The following CLIC5 variants were observed in gnomAD, a reference collection of about 807,000 sequenced individuals.
CLIC5 encodes the protein chloride intracellular channel protein 5.
In CLIC5, 20 loss-of-function variants were observed where a neutral mutation model predicts 24.7. That is an observed-to-expected ratio of 0.81 (90% CI 0.57 to 1.18). CLIC5 has a LOEUF of 1.18. Ranked by LOEUF, CLIC5 falls within the 50% of genes most tolerant of loss-of-function variation. The pLI, the probability that CLIC5 is intolerant of heterozygous loss-of-function variation, is 0.00. For synonymous variants in CLIC5, 159 were observed against 135.6 expected (o/e 1.17, Z -1.20); for missense variants, 341 against 326.1 (o/e 1.05, Z -0.35).
the CLIC5 span, among the ~76,000 whole-genome samples, chr6:46,118,996 T>C: frequency 6.6e-6 from 1 of 152,054 alleles, no homozygotes; most frequent in African/African-American, 2.4e-5. Context: ...GAGGGAGAGA[T>C]TAGAAGATGC....
At chr6:46,121,265 G>A in the CLIC5 span, among the ~76,000 whole-genome samples, 1 of 152,196 alleles carries the variant, frequency 6.6e-6, no homozygotes, top group Non-Finnish European at 1.5e-5. Context: ...GAAGAGAGTG[G>A]GGGCCAATAT....
rs1464481572 is a variant in CLIC5, at chr6:45,901,939, C to T, written c.*1149G>A. ...TCCTAAATGTGGCTTTTACCCATTA[C>T]AGGCTACAGTTGAATCAGGCAGGAG... On this transcript the variant is annotated 3_prime_UTR_variant, in exon 6 of 6. Transcript: ENST00000339561. 6.6e-6 allele frequency: 1 copy of T among 152,532 alleles called. No individual in the cohort carries two copies. The highest frequency in any genetic ancestry group is 1.5e-5 in the Non-Finnish European group (1 of 68,026). 9.4% of individuals were successfully genotyped at this position (152,532 alleles called of 1,614,324 possible).
chr6:46,051,527 CT>C (rs917152035), intron 1 of CLIC5, among the ~76,000 whole-genome samples: 1 of 151,928 alleles, frequency 6.6e-6, no homozygotes, highest in Non-Finnish European at 1.5e-5. Context: ...GGTTTCTCTC[CT>C]TTTTTTTCTG....
At chr6:45,958,395 G>T in intron 1 of CLIC5, among the ~76,000 whole-genome samples, 1 of 96,220 alleles carries the variant, frequency 1.0e-5, no homozygotes, top group Non-Finnish European at 2.1e-5. Flanking sequence ...GGAAACTGAT[G>T]CAATCAGGGA....
In CLIC5 at chr6:46,015,689, C is replaced by T; in HGVS notation, c.-147G>A. The T allele has an allele frequency of 7.8e-7, 1 of 1,288,806 alleles. No individual in the cohort carries two copies. Among genetic ancestry groups the T allele is most frequent in the Non-Finnish European group, 9.9e-7 (1 of 1,013,524 alleles). 79.8% of individuals were successfully genotyped at this position (1,288,806 alleles called of 1,614,324 possible). ...TTTCACAAAACCATCTATTCTCCAG[C>T]CCGAGCAGCGGGGTCTGAGAGATCA... On this transcript the variant is annotated 5_prime_UTR_variant, in exon 1 of 6. Coordinates refer to ENST00000339561, the MANE Select transcript of CLIC5 (RefSeq NM_016929.5).
chr6:46,090,952 A>G, the CLIC5 span, among the ~76,000 whole-genome samples: 47 of 152,290 alleles, frequency 3.1e-4, no homozygotes, highest in South Asian at 8.9e-3. Context: ...AAGGCAAACA[A>G]CAAGCTGTTA....
chr6:45,937,045 A>C (rs1763962434), intron 4 of CLIC5, among the ~76,000 whole-genome samples: 1 of 151,804 alleles, frequency 6.6e-6, no homozygotes, highest in Non-Finnish European at 1.5e-5. Context: ...GGAGCACAGA[A>C]TCGTCCCTCA....
At chr6:46,119,337 T>C in the CLIC5 span, among the ~76,000 whole-genome samples, 1 of 152,216 alleles carries the variant, frequency 6.6e-6, no homozygotes, top group Non-Finnish European at 1.5e-5. Flanking sequence ...TGGGACTCTT[T>C]TATAGCAATT....
At chr6:46,100,158 C>T in the CLIC5 span, among the ~76,000 whole-genome samples, 3 of 152,188 alleles carry the variant, frequency 2.0e-5, no homozygotes, top group Non-Finnish European at 2.9e-5. Context: ...CCCAGTTTGG[C>T]TCCAGCCATT....
chr6:46,006,663 T>C (rs1766594618), intron 1 of CLIC5, among the ~76,000 whole-genome samples: 1 of 150,940 alleles, frequency 6.6e-6, no homozygotes, highest in Non-Finnish European at 1.5e-5. Flanking sequence ...CCCTCTCAAA[T>C]GATATTTCTT....
chr6:46,095,174 T>G, the CLIC5 span, among the ~76,000 whole-genome samples: 2 of 151,196 alleles, frequency 1.3e-5, no homozygotes, highest in African/African-American at 4.9e-5. Flanking sequence ...CAGGAAACCA[T>G]TCTTCCCTCC....
chr6:45,989,607 G>A (rs1325787221), intron 1 of CLIC5, among the ~76,000 whole-genome samples: 1 of 152,200 alleles, frequency 6.6e-6, no homozygotes, highest in Non-Finnish European at 1.5e-5. Flanking sequence ...GAATGGTCAA[G>A]TGAGAAAGGC....
intron 6 of CLIC5, among the ~76,000 whole-genome samples, chr6:45,885,842 A>G (rs893011725): frequency 2.6e-5 from 4 of 152,216 alleles, no homozygotes; most frequent in African/African-American, 4.8e-5. Context: ...GTGATTCCAC[A>G]GCAGGAAGCT....
chr6:46,024,207 T>C lies in CLIC5; in HGVS notation c.540+55496A>G, dbSNP rs192131627. ...GTTGTCATAATCTTAGACAACTAGA[T>C]TCCATTTGCCTTGAGTTACCCAGTT... is the stretch of plus-strand genomic sequence containing the variant. On this transcript the variant is annotated intron_variant, in intron 1 of 5. Coordinates refer to the CLIC5 transcript ENST00000185206. 1.9e-4 allele frequency among the ~76,000 whole-genome samples: 29 copies of C among 152,306 alleles called. No individual in the cohort carries two copies. The East Asian group carries it at 4.6e-3, about 24-fold the overall frequency.
At chr6:46,020,983 A>G (rs562579940) in intron 1 of CLIC5, among the ~76,000 whole-genome samples, 6 of 151,786 alleles carry the variant, frequency 4.0e-5, no homozygotes, top group Non-Finnish European at 7.4e-5. Flanking sequence ...ATTCTACTAA[A>G]CATTTTAGAA....
intron 1 of CLIC5, among the ~76,000 whole-genome samples, chr6:45,977,299 A>T (rs1197255178): frequency 6.6e-6 from 1 of 152,166 alleles, no homozygotes; most frequent in East Asian, 1.9e-4. Context: ...GCAAGCTTTA[A>T]TGACAAGCAT....
Position 45,958,441 on chromosome 6 carries a change from T to TACACACACACACACAC in CLIC5, c.64-3198_64-3197insGTGTGTGTGTGTGTGT, listed in dbSNP as rs1554151283. Among the ~76,000 whole-genome samples, 101 of 17,944 alleles carry TACACACACACACACAC rather than the reference T, an allele frequency of 5.6e-3. 3 individuals are homozygous for TACACACACACACACAC. Among genetic ancestry groups the TACACACACACACACAC allele is most frequent in the African/African-American group, 0.022 (94 of 4,358 alleles). The allele number at this position is 17,944 out of a possible 152,430, so 11.8% of individuals were successfully genotyped here. ...AGACAATTATATATATATATATATA[T>TACACACACACACACAC]ATATATATATATATATATATATATA... is the stretch of plus-strand genomic sequence containing the variant. On this transcript the variant is annotated intron_variant, in intron 1 of 5. Coordinates refer to ENST00000339561, the MANE Select transcript of CLIC5 (RefSeq NM_016929.5).
intron 1 of CLIC5, among the ~76,000 whole-genome samples, chr6:46,026,615 A>G (rs547197171): frequency 1.3e-5 from 2 of 152,298 alleles, no homozygotes; most frequent in South Asian, 2.1e-4. Flanking sequence ...TCCAAGGAGA[A>G]GGCAGAAAGT....
chr6:46,060,976 G>C (rs1259732861), intron 1 of CLIC5, among the ~76,000 whole-genome samples: 1 of 152,138 alleles, frequency 6.6e-6, no homozygotes, highest in Non-Finnish European at 1.5e-5. Flanking sequence ...ATCTCTTGCA[G>C]TATCTGCACA....
Sources: gnomAD v4.1 joint callset for allele counts (sites outside exome capture counted in the v4.1 genomes callset) on GRCh38, gnomAD v4.1.1 for gene constraint, MANE v1.5 for transcripts, NCBI Gene and HGNC (gene_info 2026-07-23, HGNC 2026-07-21) for gene names.